The following STAM variants were observed in gnomAD, a reference collection of about 807,000 sequenced individuals.
STAM encodes signal transducing adaptor molecule.
Under a neutral mutation model 63.4 loss-of-function variants are expected in STAM, and 16 were observed. The ratio of observed to expected loss-of-function variants is 0.25; its 90% CI spans 0.17 to 0.38. The LOEUF (loss-of-function observed/expected upper bound fraction) is 0.38, where lower values mean the gene tolerates loss of function less well. Among genes scored for constraint, STAM ranks in the 10% least tolerant of loss-of-function variants. STAM has a pLI of 1.00. For missense variants in STAM, 636 were observed against 657.1 expected, an observed-to-expected ratio of 0.97 and a Z score of 0.35; for synonymous variants, 238 against 223.9, an observed-to-expected ratio of 1.06 and a Z score of -0.56.
chr10:17,673,377 T>A (rs770459751), intron 2 of STAM, among the ~76,000 whole-genome samples: 7 of 152,128 alleles, frequency 4.6e-5, no homozygotes, highest in Non-Finnish European at 1.0e-4. Flanking sequence ...AGTTGTACAA[T>A]AGTGAAAAGC....
chr10:17,684,160 T>G (rs1376565194), intron 2 of STAM, among the ~76,000 whole-genome samples: 2 of 152,090 alleles, frequency 1.3e-5, no homozygotes, highest in Non-Finnish European at 2.9e-5. Context: ...CATGCGTGGG[T>G]TTTTCAGAAG....
At chr10:17,659,565 C>T (rs1554822607) in intron 1 of STAM, among the ~76,000 whole-genome samples, 2 of 146,150 alleles carry the variant, frequency 1.4e-5, no homozygotes, top group Admixed American at 1.4e-4. Context: ...ACCTCTTGGG[C>T]TCAAGTGATC....
rs185506276 is a variant in STAM, at chr10:17,693,606, A to G, written c.535+294A>G. Among the ~76,000 whole-genome samples the G allele has an allele frequency of 1.4e-3, 220 of 152,322 alleles. No homozygotes were observed. The Middle Eastern group carries it at 0.024, about 16-fold the overall frequency. On this transcript the variant is annotated intron_variant, in intron 6 of 13. Coordinates refer to ENST00000377524, the MANE Select transcript of STAM (RefSeq NM_003473.4). ...TAGTACACGGGAAATGCCATTTGCC[A>G]CTTGCTTTTCTCATGCAACATTATG...
intron 1 of STAM, among the ~76,000 whole-genome samples, chr10:17,654,582 A>G (rs1255906629): frequency 6.6e-6 from 1 of 152,190 alleles, no homozygotes. Flanking sequence ...CATATTGCAG[A>G]TACATGAGTA....
intron 1 of STAM, among the ~76,000 whole-genome samples, chr10:17,658,407 T>C (rs1291265232): frequency 6.6e-6 from 1 of 152,176 alleles, no homozygotes; most frequent in Non-Finnish European, 1.5e-5. Flanking sequence ...GTGTATTCTG[T>C]TGTTTTTGGA....
intron 1 of STAM, among the ~76,000 whole-genome samples, chr10:17,644,783 G>C (rs1033461861): frequency 6.6e-6 from 1 of 152,200 alleles, no homozygotes; most frequent in African/African-American, 2.4e-5. Context: ...TAAATGTTGA[G>C]CGTCTGGAAC....
chr10:17,703,015 AAAAAAAAAAAAAG>A (rs781833358), intron 9 of STAM, among the ~76,000 whole-genome samples: 13,349 of 145,206 alleles, frequency 0.092, 680 homozygotes, highest in Middle Eastern at 0.15. Flanking sequence ...TCTCAAAAAA[AAAAAAAAAAAAAG>A]AAAAGAAAAG....
intron 5 of STAM, among the ~76,000 whole-genome samples, chr10:17,692,247 G>A (rs2688788): frequency 0.57 from 86,489 of 152,028 alleles, 24,850 homozygotes; most frequent in Middle Eastern, 0.63. Context: ...CACTCATATC[G>A]CAGTACCTTG....
chr10:17,704,341 T>G, intron 9 of STAM, 90 bp from the exon 10 acceptor site: 1 of 1,149,836 alleles, frequency 8.7e-7, no homozygotes, highest in South Asian at 1.3e-5. Flanking sequence ...AACTATGAAT[T>G]TCAAAAGTTT....
chr10:17,683,633 T>C (rs1297734792), intron 2 of STAM, among the ~76,000 whole-genome samples: 1 of 152,168 alleles, frequency 6.6e-6, no homozygotes, highest in African/African-American at 2.4e-5. Context: ...TTTACATATT[T>C]TTTTGTCTCT....
Position 17,644,308 on chromosome 10 carries a change from A to C in STAM, c.-32A>C, listed in dbSNP as rs782721393. 5.6e-6 allele frequency: 9 copies of C among 1,613,428 alleles called. No homozygotes were observed. The highest frequency in any genetic ancestry group is 7.6e-6 in the Non-Finnish European group (9 of 1,179,518). ...TCTGACTCCCGTGCTGTCGAGAGGG[A>C]GTCCCCGGGGACACCTCGGCACGCA... is the stretch of plus-strand genomic sequence containing the variant. On this transcript the variant is annotated 5_prime_UTR_variant, in exon 1 of 14. Transcript: ENST00000377524.
intron 2 of STAM, among the ~76,000 whole-genome samples, chr10:17,667,279 A>G (rs891311730): frequency 6.6e-6 from 1 of 152,126 alleles, no homozygotes; most frequent in Non-Finnish European, 1.5e-5. Context: ...GGTGAACGCC[A>G]CCATGCCCGG....
At chr10:17,713,849 A>T (rs1292228928) in intron 13 of STAM, among the ~76,000 whole-genome samples, 1 of 151,926 alleles carries the variant, frequency 6.6e-6, no homozygotes, top group Admixed American at 6.6e-5. Context: ...TTTCTGTCTC[A>T]CTCAGAGTGT....
intron 1 of STAM, among the ~76,000 whole-genome samples, chr10:17,652,616 G>T (rs1554821676): frequency 2.0e-5 from 3 of 151,868 alleles, no homozygotes; most frequent in Non-Finnish European, 2.9e-5. Context: ...GAATAAGGTG[G>T]CAGGTTTTAG....
chr10:17,708,687 G>GT, intron 12 of STAM, 89 bp from the exon 13 acceptor site: 1 of 1,309,392 alleles, frequency 7.6e-7, no homozygotes, highest in Non-Finnish European at 1.0e-6. Context: ...GATTTTTCTT[G>GT]TTTTTGTAAC....
intron 1 of STAM, among the ~76,000 whole-genome samples, chr10:17,648,898 T>C (rs965773756): frequency 2.0e-5 from 3 of 152,188 alleles, no homozygotes; most frequent in Non-Finnish European, 4.4e-5. Context: ...GTGTCTGATA[T>C]GATTATGATC....
At chr10:17,653,004 A>G (rs1391617305) in intron 1 of STAM, among the ~76,000 whole-genome samples, 1 of 152,202 alleles carries the variant, frequency 6.6e-6, no homozygotes, top group Non-Finnish European at 1.5e-5. Context: ...TGATAAGAGC[A>G]TCTTTGTTAT....
intron 1 of STAM, among the ~76,000 whole-genome samples, chr10:17,655,957 T>C (rs1228722375): frequency 6.6e-6 from 1 of 152,172 alleles, no homozygotes. Flanking sequence ...GTATTCTTTT[T>C]CTCTTAAGTT....
intron 1 of STAM, among the ~76,000 whole-genome samples, 200 bp from the exon 2 acceptor site, chr10:17,660,264 T>G (rs7091657): frequency 2.6e-5 from 4 of 152,072 alleles, no homozygotes; most frequent in Non-Finnish European, 4.4e-5. Flanking sequence ...GGCAACTGCA[T>G]TGTGAATAGG....
Sources: allele counts gnomAD v4.1 joint callset (sites outside exome capture counted in the v4.1 genomes callset), GRCh38; gene constraint gnomAD v4.1.1; transcripts MANE v1.5; gene names NCBI Gene and HGNC (gene_info 2026-07-23, HGNC 2026-07-21).